Variants in PCDHGA5 observed in about 807,000 individuals in gnomAD.
The protein encoded by PCDHGA5 is protocadherin gamma-A5.
PCDHGA5 carries 36 observed loss-of-function variants against 56.7 expected under a neutral mutation model. That is an observed-to-expected ratio of 0.64 (90% CI 0.49 to 0.84). The LOEUF is 0.84. Ranked by LOEUF, PCDHGA5 falls within the 40% of genes least tolerant of loss-of-function variation. The pLI is 0.00. For missense variants in PCDHGA5, 1,305 were observed against 1,201.5 expected, an observed-to-expected ratio of 1.09 and a Z score of -1.27; for synonymous variants, 563 against 520.2, an observed-to-expected ratio of 1.08 and a Z score of -1.12.
Position 141,393,015 on chromosome 5 carries a change from T to C in PCDHGA5, c.2421+26264T>C, listed in dbSNP as rs755462760. On this transcript the variant is annotated intron_variant, in intron 1 of 3. Transcript: ENST00000518069. The stretch of plus-strand genomic sequence containing the variant: ...GGCGAAGCACGGAGTCCGTATCGTC[T>C]CCAGAGGTAGGACGCAGCTCTTTGC... The C allele has an allele frequency of 7.9e-5, 127 of 1,613,696 alleles. No homozygotes were observed. The highest frequency in any genetic ancestry group is 1.1e-4 in the Non-Finnish European group (124 of 1,179,874).
chr5:141,431,351 C>A lies in PCDHGA5; in HGVS notation c.2422-63456C>A. On this transcript the variant is annotated intron_variant, in intron 1 of 3. Coordinates refer to ENST00000518069, the MANE Select transcript of PCDHGA5 (RefSeq NM_018918.3). The surrounding 1 kb of genome is among the most constrained non-coding windows in gnomAD (Gnocchi z 4.8). ...TAAGTACCCCGAATTGGTGCTGAAA[C>A]GCGCCCTGGACCGCGAAGAAAAGGC... The A allele has an allele frequency of 6.2e-7, 1 of 1,614,064 alleles. No individual in the cohort carries two copies. The highest frequency in any genetic ancestry group is 8.5e-7 in the Non-Finnish European group (1 of 1,180,042).
At chr5:141,417,699 C>A (rs2096148616) in intron 1 of PCDHGA5, 1 of 1,164,548 alleles carries the variant, frequency 8.6e-7, no homozygotes, top group Non-Finnish European at 1.2e-6. Context: ...AACCAGCTCC[C>A]ACACAGAGGC....
chr5:141,486,654 T>C lies in PCDHGA5; in HGVS notation c.2422-8153T>C. ...TTGAATGCGCTTATCTCCTACTCAC[T>C]CCTGGAGCCCAGGAATCGAGATGTA... is the stretch of plus-strand genomic sequence containing the variant. On this transcript the variant is annotated intron_variant, in intron 1 of 3. Coordinates refer to ENST00000518069, the MANE Select transcript of PCDHGA5 (RefSeq NM_018918.3). The surrounding 1 kb of genome is among the most constrained non-coding windows in gnomAD (Gnocchi z 5.0). The C allele has an allele frequency of 2.5e-6, 4 of 1,613,922 alleles. No individual in the cohort carries two copies. Among genetic ancestry groups the C allele is most frequent in the Non-Finnish European group, 3.4e-6 (4 of 1,180,026 alleles).
chr5:141,404,435 A>G, intron 1 of PCDHGA5: 2 of 1,613,032 alleles, frequency 1.2e-6, no homozygotes, highest in South Asian at 2.2e-5. Flanking sequence ...GGCAGAGGAT[A>G]CCATCCAAGG....
At chr5:141,414,763 C>G in intron 1 of PCDHGA5, 1 of 1,614,258 alleles carries the variant, frequency 6.2e-7, no homozygotes, top group South Asian at 1.1e-5. Flanking sequence ...TGAGCAGTTT[C>G]ATGAGCTACA....
Position 141,431,625 on chromosome 5 carries a change from C to T in PCDHGA5, c.2422-63182C>T. The T allele has an allele frequency of 6.2e-7, 1 of 1,614,224 alleles. No individual in the cohort carries two copies. Among genetic ancestry groups the T allele is most frequent in the South Asian group, 1.1e-5 (1 of 91,082 alleles). On this transcript the variant is annotated intron_variant, in intron 1 of 3. Transcript: ENST00000518069. This position sits in a 1 kb window ranked among gnomAD's most constrained non-coding sequence, Gnocchi z 4.8. Reference sequence around the variant, plus strand: ...TTCCGGTATGTGGACGACAAGGCGGCCCAAGTTTTCAAACTAGATTGTAAT... The same window carrying T: ...TTCCGGTATGTGGACGACAAGGCGGTCCAAGTTTTCAAACTAGATTGTAAT...
chr5:141,474,557 G>A (rs1261720500), intron 1 of PCDHGA5, among the ~76,000 whole-genome samples: 1 of 152,184 alleles, frequency 6.6e-6, no homozygotes, highest in African/African-American at 2.4e-5. Context: ...AAAACTGGGG[G>A]TTTTCAGAGA....
intron 1 of PCDHGA5, chr5:141,415,577 C>G (rs776744277): frequency 2.5e-6 from 4 of 1,613,744 alleles, no homozygotes; most frequent in South Asian, 2.2e-5. Flanking sequence ...TTAGATGATT[C>G]GAAGTTTCCT....
chr5:141,390,509 A>G, intron 1 of PCDHGA5: 1 of 590,022 alleles, frequency 1.7e-6, no homozygotes, highest in Non-Finnish European at 2.9e-6. Flanking sequence ...GCTTAGATTT[A>G]TAAAGCAATG....
At chr5:141,423,967 A>C (rs760284844) in intron 1 of PCDHGA5, 11 of 1,153,498 alleles carry the variant, frequency 9.5e-6, no homozygotes, top group Non-Finnish European at 1.2e-5. Flanking sequence ...TTTTTCTATT[A>C]TCAGTGTATG....
At chr5:141,378,585 G>A (rs758641960) in intron 1 of PCDHGA5, 1 of 152,188 alleles carries the variant, frequency 6.6e-6, no homozygotes, top group South Asian at 2.1e-4. Flanking sequence ...ATGCTCGGTA[G>A]TGTCTGCTTA....
intron 1 of PCDHGA5, chr5:141,422,001 C>T (rs2096616874): frequency 6.2e-7 from 1 of 1,609,114 alleles, no homozygotes; most frequent in Non-Finnish European, 8.5e-7. Context: ...ACATCAGCTC[C>T]GGAACTCGGG....
At chr5:141,374,030 T>C (rs1023437506) in intron 1 of PCDHGA5, 4 of 1,430,336 alleles carry the variant, frequency 2.8e-6, no homozygotes, top group African/African-American at 1.4e-5. Flanking sequence ...GCAAAAGTGA[T>C]GCAGATCTGT....
intron 1 of PCDHGA5, among the ~76,000 whole-genome samples, chr5:141,484,389 G>A (rs1336850919): frequency 6.6e-6 from 1 of 152,140 alleles, no homozygotes; most frequent in Non-Finnish European, 1.5e-5. Flanking sequence ...GAATAAGAAA[G>A]GTTTGGTTTC....
intron 1 of PCDHGA5, chr5:141,377,801 T>C (rs1439596981): frequency 1.3e-5 from 2 of 152,176 alleles, no homozygotes; most frequent in African/African-American, 2.4e-5. Context: ...CCTGTAACTA[T>C]CTGTTATTTA....
At chr5:141,415,683 G>C in intron 1 of PCDHGA5, 1 of 1,517,194 alleles carries the variant, frequency 6.6e-7, no homozygotes, top group African/African-American at 1.4e-5. Flanking sequence ...TTTGCGGCAT[G>C]ATGGTGGAAA....
rs746913952 is a variant in PCDHGA5, at chr5:141,432,898, G to T, written c.2422-61909G>T. 2.5e-6 allele frequency: 4 copies of T among 1,614,174 alleles called. No individual in the cohort carries two copies. Among genetic ancestry groups the T allele is most frequent in the Admixed American group, 3.3e-5 (2 of 60,034 alleles). ...TGGCCTTCGTCATCTTGCTGCTGGC[G>T]CTCAGGCTGCGGCGCTGGCACAAGT... On this transcript the variant is annotated intron_variant, in intron 1 of 3. Coordinates refer to ENST00000518069, the MANE Select transcript of PCDHGA5 (RefSeq NM_018918.3). The surrounding 1 kb of genome is among the most constrained non-coding windows in gnomAD (Gnocchi z 6.0).
At chr5:141,391,618 TA>T (rs2092399304) in intron 1 of PCDHGA5, 3 of 152,366 alleles carry the variant, frequency 2.0e-5, no homozygotes, top group African/African-American at 7.2e-5. Flanking sequence ...TGAGTGGTTT[TA>T]AGAAAGTTTT....
chr5:141,372,634 C>G, intron 1 of PCDHGA5: 1 of 1,614,012 alleles, frequency 6.2e-7, no homozygotes, highest in Non-Finnish European at 8.5e-7. Context: ...AGCGAAAGGA[C>G]TTTGCCTTAT....
Sources: allele counts gnomAD v4.1 joint callset (sites outside exome capture counted in the v4.1 genomes callset), GRCh38; gene constraint gnomAD v4.1.1; non-coding constraint Gnocchi (gnomAD v3.1); transcripts MANE v1.5; gene names NCBI Gene and HGNC (gene_info 2026-07-23, HGNC 2026-07-21).